RSPRY1: variants seen among roughly 807,000 people sequenced by gnomAD.
RSPRY1 encodes the protein ring finger and SPRY domain containing 1, also known as RING finger and SPRY domain-containing protein 1.
In RSPRY1, 23 loss-of-function variants were observed where a neutral mutation model predicts 73.1. The observed-to-expected ratio is 0.31, with a 90% CI of 0.23 to 0.45. The LOEUF (loss-of-function observed/expected upper bound fraction) is 0.45, where lower values mean the gene tolerates loss of function less well. Among genes scored for constraint, RSPRY1 ranks in the 20% least tolerant of loss-of-function variants. The pLI, the probability that RSPRY1 is intolerant of heterozygous loss-of-function variation, is 1.00. For synonymous variants in RSPRY1, 226 were observed against 251.4 expected (o/e 0.90, Z 0.95); for missense variants, 448 against 698.7 (o/e 0.64, Z 4.05).
chr16:57,228,339 GATT>G (rs1391561912), intron 11 of RSPRY1, among the ~76,000 whole-genome samples: 1 of 148,818 alleles, frequency 6.7e-6, no homozygotes, highest in Non-Finnish European at 1.5e-5. Context: ...AGCTCCACTT[GATT>G]AAATTGGTGG....
chr16:57,240,469 A>T lies in RSPRY1; in HGVS notation c.*1494A>T, dbSNP rs2146417998. The T allele has an allele frequency of 6.6e-6, 1 of 152,152 alleles. No homozygotes were observed. The allele number at this position is 152,152 out of a possible 1,614,324, so 9.4% of individuals were successfully genotyped here. A position where few individuals can be genotyped will look rare whatever the true frequency, so the allele number is the denominator to read the frequency against. ...AATAAAACATCTGTTGCCTTTTTTG[A>T]CTAAGATTTCACAACTTTCATTGGT... On this transcript the variant is annotated 3_prime_UTR_variant, in exon 15 of 15. Coordinates refer to ENST00000394420, the MANE Select transcript of RSPRY1 (RefSeq NM_133368.3).
At chr16:57,216,567 A>G (rs2074944170) in intron 7 of RSPRY1, 1 of 325,098 alleles carries the variant, frequency 3.1e-6, no homozygotes, top group African/African-American at 2.1e-5. Context: ...AAAATTTTAA[A>G]AAATCAGCCA....
At chr16:57,224,190 A>G (rs1039445448) in intron 10 of RSPRY1, among the ~76,000 whole-genome samples, 2 of 152,224 alleles carry the variant, frequency 1.3e-5, no homozygotes, top group Non-Finnish European at 1.5e-5. Context: ...TCTGGCCAGC[A>G]TGCAGCCACC....
intron 3 of RSPRY1, among the ~76,000 whole-genome samples, chr16:57,208,376 T>A (rs1441035433): frequency 3.2e-5 from 3 of 94,390 alleles, no homozygotes; most frequent in African/African-American, 9.3e-5. Context: ...AGGAGATTAT[T>A]TATATATATA....
chr16:57,228,093 G>A (rs913247166), intron 11 of RSPRY1, among the ~76,000 whole-genome samples: 1 of 152,004 alleles, frequency 6.6e-6, no homozygotes, highest in East Asian at 1.9e-4. Context: ...GGCCAACATG[G>A]TGAAACCTCA....
At chr16:57,230,597 T>C (rs2075200331) in intron 11 of RSPRY1, 114 bp from the exon 12 acceptor site, 4 of 567,568 alleles carry the variant, frequency 7.0e-6, no homozygotes, top group Non-Finnish European at 1.3e-5. Context: ...ACATGTTGAA[T>C]GCATAGCTAA....
rs1174606238 is a variant in RSPRY1, at chr16:57,187,499, C to T, written c.-156+1048C>T. 1.3e-5 allele frequency among the ~76,000 whole-genome samples: 2 copies of T among 152,164 alleles called. 1 individual carries two copies. Reference sequence around the variant, plus strand: ...CCAGGCCCTTTACCTACCATCTGTTCTTGCTTAGTGGAGTGACTTAACCTC... The same window carrying T: ...CCAGGCCCTTTACCTACCATCTGTTTTTGCTTAGTGGAGTGACTTAACCTC... On this transcript the variant is annotated intron_variant, in intron 1 of 14. Transcript: ENST00000394420.
intron 1 of RSPRY1, 76 bp from the exon 2 acceptor site, chr16:57,204,428 A>T (rs535564819): frequency 3.5e-5 from 17 of 485,030 alleles, no homozygotes; most frequent in Non-Finnish European, 5.5e-5. Context: ...TATCTATAAA[A>T]TCAGACTAGG....
rs1455194996 is a variant in RSPRY1, at chr16:57,201,112, C to T, written c.-155-3392C>T. On this transcript the variant is annotated intron_variant, in intron 1 of 14. Transcript: ENST00000394420. ...GGCTGCCGGGCGGAGACGCTCCTCACTTCCCAGGCGGAGTGGCTGCCGGGC... is the reference window on the plus strand; with the variant it reads ...GGCTGCCGGGCGGAGACGCTCCTCATTTCCCAGGCGGAGTGGCTGCCGGGC... Among the ~76,000 whole-genome samples, 5 of 152,102 alleles carry T rather than the reference C, an allele frequency of 3.3e-5. No individual in the cohort carries two copies. In the East Asian group the frequency reaches 7.7e-4, roughly 24 times the overall value.
Position 57,239,187 on chromosome 16 carries a change from A to G in RSPRY1, c.*212A>G, listed in dbSNP as rs576368243. On this transcript the variant is annotated 3_prime_UTR_variant, in exon 15 of 15. Coordinates refer to ENST00000394420, the MANE Select transcript of RSPRY1 (RefSeq NM_133368.3). ...CCCTGAGAAAATCCCTTTTAAGGCC[A>G]AGGAAAGCTGAATGCTAGCAGCCAG... 9.7e-6 allele frequency: 3 copies of G among 309,118 alleles called. No individual in the cohort carries two copies. The South Asian group carries it at 1.7e-4, about 18-fold the overall frequency. The allele number at this position is 309,118 out of a possible 1,614,324, so 19.1% of individuals were successfully genotyped here.
intron 13 of RSPRY1, among the ~76,000 whole-genome samples, chr16:57,233,085 A>G (rs1320176792): frequency 6.6e-6 from 1 of 152,218 alleles, no homozygotes; most frequent in Non-Finnish European, 1.5e-5. Context: ...ATTCAGTGAT[A>G]CTTTATATTC....
intron 10 of RSPRY1, among the ~76,000 whole-genome samples, chr16:57,226,465 G>A (rs1363778883): frequency 6.6e-5 from 10 of 152,192 alleles, no homozygotes; most frequent in African/African-American, 2.4e-4. Context: ...GCTAAACAGG[G>A]ATGGATTATT....
intron 1 of RSPRY1, among the ~76,000 whole-genome samples, chr16:57,190,007 A>G (rs1484532515): frequency 6.6e-6 from 1 of 151,926 alleles, no homozygotes; most frequent in Non-Finnish European, 1.5e-5. Flanking sequence ...TTTCTTTCAC[A>G]CTCTATATAG....
At chr16:57,236,422 T>G (rs1413666266) in intron 14 of RSPRY1, among the ~76,000 whole-genome samples, 2 of 152,112 alleles carry the variant, frequency 1.3e-5, no homozygotes, top group Admixed American at 1.3e-4. Context: ...ATAAGAAAAT[T>G]TAGCTAAACT....
intron 14 of RSPRY1, among the ~76,000 whole-genome samples, chr16:57,237,969 A>G (rs1567520508): frequency 1.3e-5 from 2 of 152,216 alleles, no homozygotes; most frequent in Non-Finnish European, 2.9e-5. Context: ...TGTTGGGAAT[A>G]AGATAAGGAT....
chr16:57,198,808 A>C (rs2074502640), intron 1 of RSPRY1, among the ~76,000 whole-genome samples: 1 of 152,198 alleles, frequency 6.6e-6, no homozygotes, highest in East Asian at 1.9e-4. Flanking sequence ...ACCTTCATAC[A>C]GATTGTATGG....
intron 2 of RSPRY1, among the ~76,000 whole-genome samples, chr16:57,205,775 A>T (rs2074713136): frequency 6.6e-6 from 1 of 152,222 alleles, no homozygotes; most frequent in Non-Finnish European, 1.5e-5. Context: ...GAAGCCTCAG[A>T]TTCCTCATCT....
rs1304153893 is a variant in RSPRY1, at chr16:57,187,349, G to A, written c.-156+898G>A. On this transcript the variant is annotated intron_variant, in intron 1 of 14. Transcript: ENST00000394420. The stretch of plus-strand genomic sequence containing the variant: ...AAACCGACTGAGACCGAGGCGGTCG[G>A]CTGAGACTCCGAGGTCCTGTCTTGT... 3.3e-5 allele frequency among the ~76,000 whole-genome samples: 5 copies of A among 152,280 alleles called. No homozygotes were observed. In the East Asian group the frequency reaches 9.6e-4, roughly 29 times the overall value.
chr16:57,209,021 T>A lies in RSPRY1; in HGVS notation c.404-54T>A, dbSNP rs111967613. The A allele has an allele frequency of 6.1e-5, 74 of 1,209,342 alleles. 1 individual carries two copies. In the African/African-American group the frequency reaches 6.8e-4, roughly 11 times the overall value. 74.9% of individuals were successfully genotyped at this position (1,209,342 alleles called of 1,614,324 possible). A position where few individuals can be genotyped will look rare whatever the true frequency, so the allele number is the denominator to read the frequency against. On this transcript the variant is annotated intron_variant, in intron 3 of 14. Transcript: ENST00000394420. The stretch of plus-strand genomic sequence containing the variant: ...GTGAATTGATCTCGTGTGACATATT[T>A]TCACATTTTAAAAATAGTGACTCCA...
Sources: gnomAD v4.1 joint callset for allele counts (sites outside exome capture counted in the v4.1 genomes callset) on GRCh38, gnomAD v4.1.1 for gene constraint, MANE v1.5 for transcripts, NCBI Gene and HGNC (gene_info 2026-07-23, HGNC 2026-07-21) for gene names.